Variants in FUT2 observed in about 807,000 individuals in gnomAD.
The protein encoded by FUT2 is fucosyltransferase 2 (H blood group), also known as galactoside alpha-(1,2)-fucosyltransferase 2.
For synonymous variants in FUT2, 182 were observed against 193.1 expected (o/e 0.94, Z 0.48); for missense variants, 419 against 465.8 (o/e 0.90, Z 0.93).
At chr19:48,701,925 A>G (rs1033257971) in intron 1 of FUT2, among the ~76,000 whole-genome samples, 1 of 151,918 alleles carries the variant, frequency 6.6e-6, no homozygotes, top group African/African-American at 2.4e-5. Flanking sequence ...CCTGGGAGGC[A>G]GAGGTTGCAG....
chr19:48,700,014 G>A (rs887587057), intron 1 of FUT2, among the ~76,000 whole-genome samples: 4 of 151,494 alleles, frequency 2.6e-5, no homozygotes, highest in African/African-American at 9.7e-5. Flanking sequence ...TTAGCCAGGT[G>A]TGGTGGTGCA....
rs770562907 is a variant in FUT2 at position 48,703,151 on chromosome 19, G to A, written c.195G>A (p.Thr65=). The change falls in exon 2 of 2, where the codon ACG becomes ACA. Residue 65 remains threonine (T), a synonymous_variant. Coordinates refer to ENST00000425340, the MANE Select transcript of FUT2 (RefSeq NM_000511.6). ...LGPSQLRGMW[T]INAIGRLGNQ... ...CCAGCCAGCTCAGGGGGATGTGGACGATCAATGCAATAGGCCGCCTGGGGA... is the reference window on the plus strand; with the variant it reads ...CCAGCCAGCTCAGGGGGATGTGGACAATCAATGCAATAGGCCGCCTGGGGA... 12 of 1,613,364 alleles carry A rather than the reference G, an allele frequency of 7.4e-6. No homozygotes were observed. Among genetic ancestry groups the A allele is most frequent in the East Asian group, 4.5e-5 (2 of 44,720 alleles).
rs1183892031 is a variant in FUT2, at chr19:48,703,454, G to C, written c.498G>C (p.Gln166His). The C allele has an allele frequency of 5.8e-5, 94 of 1,612,796 alleles. No individual in the cohort carries two copies. The highest frequency in any genetic ancestry group is 7.6e-5 in the Non-Finnish European group (90 of 1,179,972). The change falls in exon 2 of 2, where the codon CAG (glutamine) becomes CAC (histidine). Residue 166 changes from glutamine (Q) to histidine (H), a missense_variant. By Grantham distance (24) the Gln-to-His change is conservative (BLOSUM62 0). Coordinates refer to ENST00000425340, the MANE Select transcript of FUT2 (RefSeq NM_000511.6). The part of the protein sequence containing the change: ...FYHHLRQEIL[Q>H]EFTLHDHVRE... ...ACCACCTCCGCCAGGAGATCCTCCA[G>C]GAGTTCACCCTGCACGACCACGTGC...
intron 1 of FUT2, among the ~76,000 whole-genome samples, chr19:48,699,791 G>A (rs565554337): frequency 1.4e-4 from 22 of 152,090 alleles, no homozygotes; most frequent in African/African-American, 4.8e-4. Flanking sequence ...TTGAGTCATC[G>A]AGTCCAGCAT....
rs1290975006 is a variant in FUT2, at chr19:48,703,140, G to T, written c.184G>T (p.Gly62Trp). 6.2e-7 allele frequency: 1 copy of T among 1,613,506 alleles called. No individual in the cohort carries two copies. The highest frequency in any genetic ancestry group is 1.3e-5 in the African/African-American group (1 of 75,038). ...SKALGPSQLR[G>W]MWTINAIGRL... ...GGCACTGGGACCCAGCCAGCTCAGG[G>T]GGATGTGGACGATCAATGCAATAGG... The change falls in exon 2 of 2, where the codon GGG becomes TGG. Residue 62 changes from glycine to tryptophan, a missense_variant. Gly to Trp is a radical substitution (Grantham distance 184, BLOSUM62 -2). Transcript: ENST00000425340.
At chr19:48,698,060 T>G (rs1374143911) in intron 1 of FUT2, among the ~76,000 whole-genome samples, 2 of 144,016 alleles carry the variant, frequency 1.4e-5, no homozygotes, top group Non-Finnish European at 3.0e-5. Flanking sequence ...AGTGCAATGG[T>G]GTGATCTCAG....
rs2032603165 is a variant in FUT2 at position 48,704,637 on chromosome 19, A to C, written c.*649A>C. 2.4e-6 allele frequency: 1 copy of C among 414,070 alleles called. No homozygotes were observed. The highest frequency in any genetic ancestry group is 2.1e-5 in the African/African-American group (1 of 48,580). 25.6% of individuals were successfully genotyped at this position (414,070 alleles called of 1,614,324 possible). Reference sequence around the variant, plus strand: ...CATGGTCCCAAAAGGGCTGCTACACATCCAGCCATCACATGCAGATAATTC... The same window carrying C: ...CATGGTCCCAAAAGGGCTGCTACACCTCCAGCCATCACATGCAGATAATTC... On this transcript the variant is annotated 3_prime_UTR_variant, in exon 2 of 2. Coordinates refer to ENST00000425340, the MANE Select transcript of FUT2 (RefSeq NM_000511.6).
At position 48,705,905 on chromosome 19, in the gene FUT2, T is replaced by TATAA. The variant is rs567788105; in HGVS notation, c.*1928_*1931dup. 6.0e-6 allele frequency: 1 copy of TATAA among 166,348 alleles called. No individual in the cohort carries two copies. The highest frequency in any genetic ancestry group is 2.4e-5 in the African/African-American group (1 of 41,350). 10.3% of individuals were successfully genotyped at this position (166,348 alleles called of 1,614,324 possible). A position where few individuals can be genotyped will look rare whatever the true frequency, so the allele number is the denominator to read the frequency against. On this transcript the variant is annotated 3_prime_UTR_variant, in exon 2 of 2. Transcript: ENST00000425340. Reference sequence around the variant, plus strand: ...GACGACGTAGTGATACCCTGACTCTTATAAATAAATAAATGAATAAACACA... The same window carrying TATAA: ...GACGACGTAGTGATACCCTGACTCTTATAAATAAATAAATAAATGAATAAACACA...
At position 48,703,198 on chromosome 19, in the gene FUT2, C is replaced by T. The variant is rs748750933; in HGVS notation, c.242C>T (p.Thr81Ile). 1.9e-6 allele frequency: 3 copies of T among 1,613,374 alleles called. No individual in the cohort carries two copies. Among genetic ancestry groups the T allele is most frequent in the Admixed American group, 3.3e-5 (2 of 59,988 alleles). Residue 81 changes from threonine to isoleucine, a missense_variant, in exon 2 of 2, where the codon ACA becomes ATA. By Grantham distance (89) the Thr-to-Ile change is moderately conservative. Coordinates refer to ENST00000425340, the MANE Select transcript of FUT2 (RefSeq NM_000511.6). ...GGGAACCAGATGGGCGAGTACGCCACACTGTACGCCCTGGCCAAGATGAAC... is the reference window on the plus strand; with the variant it reads ...GGGAACCAGATGGGCGAGTACGCCATACTGTACGCCCTGGCCAAGATGAAC... ...RLGNQMGEYATLYALAKMNGR... is the reference protein window; with the variant it reads ...RLGNQMGEYAILYALAKMNGR...
chr19:48,698,827 C>T (rs770030287), intron 1 of FUT2, among the ~76,000 whole-genome samples: 54 of 151,930 alleles, frequency 3.6e-4, no homozygotes, highest in Non-Finnish European at 8.8e-5. Flanking sequence ...CCTCCCAGCT[C>T]AGCCTCCCAA....
At chr19:48,699,492 C>G (rs1340204541) in intron 1 of FUT2, among the ~76,000 whole-genome samples, 1 of 151,998 alleles carries the variant, frequency 6.6e-6, no homozygotes, top group East Asian at 1.9e-4. Flanking sequence ...GCCACTGTGC[C>G]CGGCTACCTC....
At chr19:48,702,366 CA>C (rs1204394547) in intron 1 of FUT2, among the ~76,000 whole-genome samples, 1 of 151,910 alleles carries the variant, frequency 6.6e-6, no homozygotes, top group Non-Finnish European at 1.5e-5. Flanking sequence ...ACGTTCTCAC[CA>C]CTGCACTCCA....
At chr19:48,697,202 A>G (rs532252710) in intron 1 of FUT2, among the ~76,000 whole-genome samples, 80 of 151,790 alleles carry the variant, frequency 5.3e-4, no homozygotes, top group Non-Finnish European at 3.1e-4. Flanking sequence ...AAAATTAGCC[A>G]GGCGTGGTGG....
In FUT2 at chr19:48,703,862, C is replaced by T; in HGVS notation, c.906C>T (p.Asp302=). ...GGGCCGCATACCTCACGGGCGGAGA[C>T]ACCATCTACCTGGCCAATTACACCC... ...GIWAAYLTGG[D]TIYLANYTLP... is the part of the protein sequence containing the mutation. The change falls in exon 2 of 2, where the codon GAC becomes GAT. Residue 302 remains aspartate (D), a synonymous_variant. Coordinates refer to ENST00000425340, the MANE Select transcript of FUT2 (RefSeq NM_000511.6). 1 of 1,613,614 alleles carries T rather than the reference C, an allele frequency of 6.2e-7. No individual in the cohort carries two copies. Among genetic ancestry groups the T allele is most frequent in the African/African-American group, 1.3e-5 (1 of 75,038 alleles).
chr19:48,699,873 G>A (rs562121803), intron 1 of FUT2, among the ~76,000 whole-genome samples: 2 of 152,006 alleles, frequency 1.3e-5, no homozygotes, highest in Admixed American at 1.3e-4. Flanking sequence ...AATTTGTGAG[G>A]CCAGGCATGG....
At chr19:48,700,474 C>G (rs1315899677) in intron 1 of FUT2, among the ~76,000 whole-genome samples, 1 of 151,792 alleles carries the variant, frequency 6.6e-6, no homozygotes, top group African/African-American at 2.4e-5. Flanking sequence ...CTATAGGCGC[C>G]CACCACCACA....
At chr19:48,702,757 C>A (rs1241789722) in intron 1 of FUT2, among the ~76,000 whole-genome samples, 198 bp from the exon 2 acceptor site, 1 of 152,146 alleles carries the variant, frequency 6.6e-6, no homozygotes, top group East Asian at 1.9e-4. Context: ...CCTATGAACA[C>A]AATGTAGACA....
At position 48,700,022 on chromosome 19, in the gene FUT2, G is replaced by A. The variant is rs539729176; in HGVS notation, c.-2-2933G>A. ...ACAAAAATTAGCCAGGTGTGGTGGT[G>A]CACACCTGTAATCCCAGCTACTCAG... On this transcript the variant is annotated intron_variant, in intron 1 of 1. Coordinates refer to ENST00000425340, the MANE Select transcript of FUT2 (RefSeq NM_000511.6). 1.1e-3 allele frequency among the ~76,000 whole-genome samples: 160 copies of A among 151,390 alleles called. 1 individual carries two copies. The highest frequency in any genetic ancestry group is 3.7e-3 in the African/African-American group (155 of 41,374).
chr19:48,698,116 A>C (rs1486440729), intron 1 of FUT2, among the ~76,000 whole-genome samples: 1 of 150,272 alleles, frequency 6.7e-6, no homozygotes, highest in Non-Finnish European at 1.5e-5. Flanking sequence ...CCTCCCCACA[A>C]CCCCCTGTTG....
Sources: gnomAD v4.1 joint callset for allele counts (sites outside exome capture counted in the v4.1 genomes callset) on GRCh38, gnomAD v4.1.1 for gene constraint, MANE v1.5 for transcripts, NCBI Gene and HGNC (gene_info 2026-07-23, HGNC 2026-07-21) for gene names.